Variants in LYPD6B observed in about 807,000 individuals in gnomAD.
LYPD6B encodes LY6/PLAUR domain containing 6B, also known as ly6/PLAUR domain-containing protein 6B.
LYPD6B carries 17 observed loss-of-function variants against 22.8 expected under a neutral mutation model. The observed-to-expected ratio is 0.75, with a 90% CI of 0.51 to 1.12. LYPD6B has a LOEUF of 1.12. LYPD6B is among the 50% of genes most tolerant of loss of function. The pLI is 0.00. For synonymous variants in LYPD6B, 106 were observed against 91.6 expected (o/e 1.16, Z -0.90); for missense variants, 221 against 258.3 (o/e 0.86, Z 0.99).
intron 2 of LYPD6B, among the ~76,000 whole-genome samples, chr2:149,154,355 TAGG>T (rs1299969878): frequency 6.6e-6 from 1 of 152,000 alleles, no homozygotes; most frequent in African/African-American, 2.4e-5. Context: ...TACCAGAAAC[TAGG>T]AGGAGAGAGG....
intron 1 of LYPD6B, among the ~76,000 whole-genome samples, chr2:149,091,003 C>A (rs2105439953): frequency 6.6e-6 from 1 of 152,122 alleles, no homozygotes; most frequent in Non-Finnish European, 1.5e-5. Flanking sequence ...ACGTGAGTGC[C>A]CTGCATTAAA....
intron 2 of LYPD6B, among the ~76,000 whole-genome samples, chr2:149,156,235 C>T (rs190891374): frequency 2.0e-5 from 3 of 152,228 alleles, no homozygotes; most frequent in Non-Finnish European, 2.9e-5. Context: ...GTTTCAGAGT[C>T]GGGATCTTCA....
At chr2:149,169,988 T>C (rs889157422) in intron 3 of LYPD6B, among the ~76,000 whole-genome samples, 1 of 152,248 alleles carries the variant, frequency 6.6e-6, no homozygotes, top group Admixed American at 6.5e-5. Flanking sequence ...TTCTGTTTAG[T>C]AATATGAATT....
chr2:149,085,950 A>G (rs530321608), intron 1 of LYPD6B, among the ~76,000 whole-genome samples: 1 of 152,172 alleles, frequency 6.6e-6, no homozygotes, highest in East Asian at 1.9e-4. Context: ...CTGCAAGAAG[A>G]AGTTAGGCTA....
In LYPD6B at chr2:149,208,524, A is replaced by G. The variant is rs1693646166; in HGVS notation, c.328+112A>G. Reference sequence around the variant, plus strand: ...TATTTTTTTCTGAGACTATCCGGACATCAGACTATATTGAGAGTTCTTGGA... The same window carrying G: ...TATTTTTTTCTGAGACTATCCGGACGTCAGACTATATTGAGAGTTCTTGGA... On this transcript the variant is annotated intron_variant, in intron 5 of 6. Coordinates refer to ENST00000409642, the MANE Select transcript of LYPD6B (RefSeq NM_177964.5). 3.4e-5 allele frequency: 28 copies of G among 815,658 alleles called. No individual in the cohort carries two copies. In the South Asian group the frequency reaches 4.9e-4, roughly 14 times the overall value. 50.5% of individuals were successfully genotyped at this position (815,658 alleles called of 1,614,324 possible). A position where few individuals can be genotyped will look rare whatever the true frequency, so the allele number is the denominator to read the frequency against.
chr2:149,083,719 C>T (rs188471944), intron 1 of LYPD6B, among the ~76,000 whole-genome samples: 36 of 152,222 alleles, frequency 2.4e-4, no homozygotes, highest in African/African-American at 7.7e-4. Context: ...TCGTATGGCA[C>T]GATGTGCTGC....
chr2:149,131,842 A>C (rs1438237916), intron 2 of LYPD6B, among the ~76,000 whole-genome samples: 3 of 152,196 alleles, frequency 2.0e-5, no homozygotes, highest in Admixed American at 2.0e-4. Flanking sequence ...GCTAAAACAG[A>C]ATGAGAGGCT....
intron 1 of LYPD6B, among the ~76,000 whole-genome samples, chr2:149,046,380 G>A (rs1208775739): frequency 6.6e-6 from 1 of 151,950 alleles, no homozygotes; most frequent in African/African-American, 2.4e-5. Flanking sequence ...CTGTTAACTG[G>A]TATGTTAGAC....
rs1272456188 is a variant in LYPD6B at position 149,214,428 on chromosome 2, C to A, written c.460-118C>A. 3.8e-6 allele frequency: 4 copies of A among 1,052,968 alleles called. No individual in the cohort carries two copies. The African/African-American group carries it at 6.3e-5, about 17-fold the overall frequency. 65.2% of individuals were successfully genotyped at this position (1,052,968 alleles called of 1,614,324 possible). A position where few individuals can be genotyped will look rare whatever the true frequency, so the allele number is the denominator to read the frequency against. On this transcript the variant is annotated intron_variant, in intron 6 of 6. Coordinates refer to ENST00000409642, the MANE Select transcript of LYPD6B (RefSeq NM_177964.5). ...CCTAGATGATGCAAAATTGGATAAC[C>A]AACTCCAATTGTCTGTCTTCAGATA... is the stretch of plus-strand genomic sequence containing the variant.
intron 2 of LYPD6B, among the ~76,000 whole-genome samples, chr2:149,160,181 T>C (rs573616145): frequency 6.6e-6 from 1 of 152,282 alleles, no homozygotes; most frequent in African/African-American, 2.4e-5. Context: ...AAATATATAA[T>C]AGAATTTTCT....
intron 1 of LYPD6B, among the ~76,000 whole-genome samples, chr2:149,060,920 G>A (rs145594976): frequency 2.5e-3 from 380 of 152,276 alleles, no homozygotes; most frequent in Non-Finnish European, 3.2e-3. Flanking sequence ...CCCACCTTGG[G>A]CATGCTTGGT....
chr2:149,087,543 G>C (rs1685455637), intron 1 of LYPD6B, among the ~76,000 whole-genome samples: 1 of 152,050 alleles, frequency 6.6e-6, no homozygotes, highest in South Asian at 2.1e-4. Flanking sequence ...TCTAGCCTGG[G>C]CAACAGAGTG....
Position 149,161,455 on chromosome 2 carries a change from T to G in LYPD6B, c.77+620T>G, listed in dbSNP as rs753225361. The G allele has an allele frequency of 3.6e-4, 55 of 153,416 alleles. 1 individual carries two copies. The highest frequency in any genetic ancestry group is 5.5e-4 in the Non-Finnish European group (38 of 68,860). The allele number at this position is 153,416 out of a possible 1,614,324, so 9.5% of individuals were successfully genotyped here. A position where few individuals can be genotyped will look rare whatever the true frequency, so the allele number is the denominator to read the frequency against. ...TTTTGTCTTTTGGTTTTAGGTGTGG[T>G]GCTTACTGCGCAGGCTGACCAGGTT... On this transcript the variant is annotated intron_variant, in intron 3 of 6. Coordinates refer to ENST00000409642, the MANE Select transcript of LYPD6B (RefSeq NM_177964.5).
At chr2:149,175,334 T>A (rs1214785150) in intron 3 of LYPD6B, among the ~76,000 whole-genome samples, 3 of 152,004 alleles carry the variant, frequency 2.0e-5, no homozygotes. Context: ...TATCTAAACA[T>A]GAAAGAAGTA....
intron 3 of LYPD6B, among the ~76,000 whole-genome samples, chr2:149,180,981 A>G (rs1691677972): frequency 1.3e-5 from 2 of 152,134 alleles, no homozygotes; most frequent in South Asian, 4.1e-4. Context: ...GATGGACTAG[A>G]TTGTTGGCTT....
intron 1 of LYPD6B, among the ~76,000 whole-genome samples, chr2:149,087,234 T>G (rs1255877983): frequency 6.6e-6 from 1 of 152,180 alleles, no homozygotes; most frequent in Admixed American, 6.5e-5. Flanking sequence ...CCACTTTCCC[T>G]TCTCCCTTCC....
chr2:149,182,107 G>A (rs1398763517), intron 3 of LYPD6B, among the ~76,000 whole-genome samples: 1 of 152,144 alleles, frequency 6.6e-6, no homozygotes, highest in Admixed American at 6.5e-5. Flanking sequence ...AGTCAAAGAG[G>A]TATTGTGTGT....
intron 3 of LYPD6B, among the ~76,000 whole-genome samples, chr2:149,186,460 T>G (rs1692110830): frequency 6.6e-6 from 1 of 152,082 alleles, no homozygotes; most frequent in African/African-American, 2.4e-5. Flanking sequence ...GGTGGGTTCA[T>G]GAGGATGAAG....
chr2:149,104,449 G>A (rs1686370123), intron 1 of LYPD6B, among the ~76,000 whole-genome samples: 1 of 152,122 alleles, frequency 6.6e-6, no homozygotes, highest in Non-Finnish European at 1.5e-5. Context: ...CTAACATACC[G>A]TGTGTTGGTA....
Sources: gnomAD v4.1 joint callset for allele counts (sites outside exome capture counted in the v4.1 genomes callset) on GRCh38, gnomAD v4.1.1 for gene constraint, MANE v1.5 for transcripts, NCBI Gene and HGNC (gene_info 2026-07-23, HGNC 2026-07-21) for gene names.